MIOS: variants seen among roughly 807,000 people sequenced by gnomAD.
MIOS encodes the protein meiosis regulator for oocyte development.
A neutral mutation model predicts 96.9 loss-of-function variants in MIOS; 52 were observed. That is an observed-to-expected ratio of 0.54 (90% CI 0.43 to 0.68). The LOEUF is 0.68. Ranked by LOEUF, MIOS falls within the 30% of genes least tolerant of loss-of-function variation. MIOS has a pLI of 0.00. For synonymous variants in MIOS, 397 were observed against 359.5 expected, an observed-to-expected ratio of 1.10 and a Z score of -1.18; for missense variants, 1,005 against 1,052.8, an observed-to-expected ratio of 0.95 and a Z score of 0.63.
At chr7:7,602,228 A>G (rs978891465) in intron 11 of MIOS, among the ~76,000 whole-genome samples, 6 of 152,212 alleles carry the variant, frequency 3.9e-5, no homozygotes, top group African/African-American at 9.6e-5. Flanking sequence ...GGCCAGGGCA[A>G]TCAGACAGGA....
intron 9 of MIOS, among the ~76,000 whole-genome samples, chr7:7,591,349 G>A (rs1410998783): frequency 6.8e-6 from 1 of 147,586 alleles, no homozygotes; most frequent in Non-Finnish European, 1.5e-5. Flanking sequence ...AGGCTGGGGT[G>A]GATCTCAGCT....
At chr7:7,595,953 G>T (rs963708588) in intron 10 of MIOS, among the ~76,000 whole-genome samples, 2 of 152,110 alleles carry the variant, frequency 1.3e-5, no homozygotes, top group Non-Finnish European at 2.9e-5. Context: ...GGGATATTTT[G>T]TAATGGCCCA....
In MIOS at chr7:7,606,035, A is replaced by G. The variant is rs763987544; in HGVS notation, c.2495A>G (p.His832Arg). 2.5e-6 allele frequency: 4 copies of G among 1,614,002 alleles called. No individual in the cohort carries two copies. The highest frequency in any genetic ancestry group is 1.7e-6 in the Non-Finnish European group (2 of 1,179,894). Residue 832 changes from histidine to arginine, a missense_variant, in exon 12 of 13, where the codon CAC becomes CGC. His to Arg is a conservative substitution (Grantham distance 29, BLOSUM62 0). Around this residue, in one of 3 missense-constraint regions of MIOS, gnomAD observed 865 missense variants for 887.9 expected, o/e 0.97. Transcript: ENST00000340080. ...TTTACATGGTGTCATAATTGCAGGC[A>G]CGGTGGACATGCTGGACATATGCTT... ...NWFTWCHNCR[H>R]GGHAGHMLSW...
rs17523400 is a variant in MIOS at position 7,579,279 on chromosome 7, A to G, written c.1394-3839A>G. Among the ~76,000 whole-genome samples, 551 of 152,334 alleles carry G rather than the reference A, an allele frequency of 3.6e-3. 3 individuals carry two copies. Among genetic ancestry groups the G allele is most frequent in the Non-Finnish European group, 6.0e-3 (411 of 68,016 alleles). ...TCAACTGTAGCATAGTTATCAATAA[A>G]AAGATCTCTAAGCAGAAAAAATATG... On this transcript the variant is annotated intron_variant, in intron 5 of 12. Transcript: ENST00000340080.
At position 7,606,931 on chromosome 7, in the gene MIOS, A is replaced by C. The variant is rs899962186; in HGVS notation, c.2532-65A>C. Reference sequence around the variant, plus strand: ...GGAGACCCTGTCTCTTAAAAAATAAATAAATAAATAAATGTATGTCTGTCT... The same window carrying C: ...GGAGACCCTGTCTCTTAAAAAATAACTAAATAAATAAATGTATGTCTGTCT... On this transcript the variant is annotated intron_variant, in intron 12 of 12. Coordinates refer to ENST00000340080, the MANE Select transcript of MIOS (RefSeq NM_019005.4). The C allele has an allele frequency of 1.5e-5, 19 of 1,248,528 alleles. No individual in the cohort carries two copies. In the African/African-American group the frequency reaches 1.8e-4, roughly 12 times the overall value. 77.3% of individuals were successfully genotyped at this position (1,248,528 alleles called of 1,614,324 possible). A position where few individuals can be genotyped will look rare whatever the true frequency, so the allele number is the denominator to read the frequency against.
In MIOS at chr7:7,573,761, C is replaced by T. The variant is rs770365061; in HGVS notation, c.1286C>T (p.Thr429Ile). 1.3e-6 allele frequency: 2 copies of T among 1,589,628 alleles called. No homozygotes were observed. The highest frequency in any genetic ancestry group is 1.7e-6 in the Non-Finnish European group (2 of 1,168,638). The change falls in exon 4 of 13, where the codon ACT becomes ATT. Residue 429 changes from threonine to isoleucine, a missense_variant. By Grantham distance (89) the Thr-to-Ile change is moderately conservative. Transcript: ENST00000340080. This position sits in a 1 kb window ranked among gnomAD's most constrained non-coding sequence, Gnocchi z 5.0. ...EDPQLKSLWY[T>I]LHFMKQYTED... ...CCACAGCTCAAGTCACTCTGGTATA[C>T]TCTGCACTATATCCTTTTCATTGTG...
intron 5 of MIOS, among the ~76,000 whole-genome samples, chr7:7,577,938 C>G (rs1022121173): frequency 6.6e-6 from 1 of 152,064 alleles, no homozygotes; most frequent in African/African-American, 2.4e-5. Flanking sequence ...GTTCACTTGA[C>G]CCTTGGGATC....
intron 6 of MIOS, 82 bp downstream of exon 6, chr7:7,583,454 A>G (rs1563025948): frequency 4.4e-6 from 6 of 1,359,218 alleles, no homozygotes; most frequent in Non-Finnish European, 5.9e-6. Flanking sequence ...AGAGGCTAAT[A>G]ATTTTCAAAT....
chr7:7,604,189 A>T (rs1001786647), intron 11 of MIOS, among the ~76,000 whole-genome samples: 13 of 152,146 alleles, frequency 8.5e-5, no homozygotes, highest in Non-Finnish European at 1.6e-4. Context: ...CGTTGTGCAC[A>T]TGTACCCTAA....
At position 7,593,500 on chromosome 7, in the gene MIOS, G is replaced by C. The variant is rs539887128; in HGVS notation, c.2044-1480G>C. Among the ~76,000 whole-genome samples, 21 of 152,136 alleles carry C rather than the reference G, an allele frequency of 1.4e-4. No homozygotes were observed. The South Asian group carries it at 3.1e-3, about 23-fold the overall frequency. On this transcript the variant is annotated intron_variant, in intron 9 of 12. Transcript: ENST00000340080. Reference sequence around the variant, plus strand: ...GTAGGACTGAGAAAACTAACCTTCAGATTGATGCCAAAGCATCATTGGAAG... The same window carrying C: ...GTAGGACTGAGAAAACTAACCTTCACATTGATGCCAAAGCATCATTGGAAG...
Position 7,573,495 on chromosome 7 carries a change from T to C in MIOS, c.1020T>C (p.Val340=). 1 of 1,614,138 alleles carries C rather than the reference T, an allele frequency of 6.2e-7. No individual in the cohort carries two copies. Among genetic ancestry groups the C allele is most frequent in the Non-Finnish European group, 8.5e-7 (1 of 1,179,962 alleles). ...WHPTSQNRMI[V]VTPNRTMSDF... ...CAACAAGTCAAAATCGAATGATAGT[T>C]GTAACTCCCAACCGAACAATGTCAG... Residue 340 remains valine, a synonymous_variant, in exon 4 of 13, where the codon GTT becomes GTC. Transcript: ENST00000340080. The surrounding 1 kb of genome is among the most constrained non-coding windows in gnomAD (Gnocchi z 5.0).
At chr7:7,569,865 G>A (rs922001753) in intron 3 of MIOS, among the ~76,000 whole-genome samples, 1 of 152,204 alleles carries the variant, frequency 6.6e-6, no homozygotes, top group African/African-American at 2.4e-5. Context: ...AAGGTATGGT[G>A]ATGAGGGAGG....
intron 4 of MIOS, 25 bp from the exon 5 acceptor site, chr7:7,574,073 T>C: frequency 6.9e-7 from 1 of 1,449,602 alleles, no homozygotes; most frequent in East Asian, 2.3e-5. Context: ...CATGCATCAC[T>C]AGTATTTCCT....
intron 4 of MIOS, 27 bp from the exon 5 acceptor site, chr7:7,574,071 A>G: frequency 2.1e-6 from 3 of 1,457,750 alleles, no homozygotes; most frequent in Non-Finnish European, 2.8e-6. Context: ...GTCATGCATC[A>G]CTAGTATTTC....
intron 11 of MIOS, among the ~76,000 whole-genome samples, chr7:7,600,172 GT>G (rs1784328875): frequency 7.3e-6 from 1 of 137,426 alleles, no homozygotes; most frequent in South Asian, 2.4e-4. Context: ...TAAAGTAAAA[GT>G]TTAAAAAAAA....
chr7:7,583,517 A>G, intron 6 of MIOS, 145 bp downstream of exon 6: 1 of 938,264 alleles, frequency 1.1e-6, no homozygotes, highest in Non-Finnish European at 1.5e-6. Context: ...AAAACACAGC[A>G]GTATATCTAT....
At position 7,594,966 on chromosome 7, in the gene MIOS, T is replaced by G; in HGVS notation, c.2044-14T>G. ...GATTTTAAACAATTGAAATAATTCA[T>G]GTTTTCGTTTTAGGGTTCACCTTTA... On this transcript the variant is annotated splice_polypyrimidine_tract_variant and intron_variant, in intron 9 of 12. Transcript: ENST00000340080. The G allele has an allele frequency of 6.3e-7, 1 of 1,578,614 alleles. No individual in the cohort carries two copies. The highest frequency in any genetic ancestry group is 8.6e-7 in the Non-Finnish European group (1 of 1,162,252).
intron 6 of MIOS, among the ~76,000 whole-genome samples, chr7:7,585,373 C>G (rs1306503891): frequency 1.4e-5 from 2 of 148,136 alleles, no homozygotes; most frequent in African/African-American, 2.5e-5. Flanking sequence ...TGCTTATTGT[C>G]TTTGCCAAAT....
At position 7,606,019 on chromosome 7, in the gene MIOS, T is replaced by G; in HGVS notation, c.2479T>G (p.Cys827Gly). The change falls in exon 12 of 13, where the codon TGT (cysteine) becomes GGT (glycine). Residue 827 changes from cysteine to glycine, a missense_variant. Coordinates refer to ENST00000340080, the MANE Select transcript of MIOS (RefSeq NM_019005.4). ...CCAATTTAACAACTGGTTTACATGG[T>G]GTCATAATTGCAGGCACGGTGGACA... ...LAQFNNWFTW[C>G]HNCRHGGHAG... The G allele has an allele frequency of 6.2e-7, 1 of 1,614,012 alleles. No homozygotes were observed. The highest frequency in any genetic ancestry group is 8.5e-7 in the Non-Finnish European group (1 of 1,179,918).
Sources: gnomAD v4.1 joint callset for allele counts (sites outside exome capture counted in the v4.1 genomes callset) on GRCh38, gnomAD v4.1.1 for gene constraint, gnomAD v4.1.1 regional missense constraint, Gnocchi (gnomAD v3.1) non-coding constraint, MANE v1.5 for transcripts, NCBI Gene and HGNC (gene_info 2026-07-23, HGNC 2026-07-21) for gene names.